Variants in FBXO15 observed in about 807,000 individuals in gnomAD.
FBXO15 encodes F-box protein 15.
Under a neutral mutation model 49.5 loss-of-function variants are expected in FBXO15, and 30 were observed. The ratio of observed to expected loss-of-function variants is 0.61; its 90% confidence interval spans 0.45 to 0.82. FBXO15 has a LOEUF of 0.82. Among genes scored for constraint, FBXO15 ranks in the 40% least tolerant of loss-of-function variants. The pLI is 0.00. For synonymous variants in FBXO15, 250 were observed against 232.7 expected (o/e 1.07, Z -0.68); for missense variants, 591 against 631.5 (o/e 0.94, Z 0.69).
chr18:74,090,263 C>A (rs888494311), intron 8 of FBXO15, among the ~76,000 whole-genome samples: 4 of 151,728 alleles, frequency 2.6e-5, no homozygotes, highest in Admixed American at 2.6e-4. Flanking sequence ...GTGGTAATGC[C>A]CCCTTTGTCA....
At chr18:74,100,972 C>A (rs985169650) in intron 8 of FBXO15, among the ~76,000 whole-genome samples, 3 of 152,042 alleles carry the variant, frequency 2.0e-5, no homozygotes, top group African/African-American at 2.4e-5. Flanking sequence ...CTGAATTCTA[C>A]CAGACACTCA....
intron 8 of FBXO15, among the ~76,000 whole-genome samples, chr18:74,092,178 G>C (rs1319501414): frequency 6.6e-6 from 1 of 151,960 alleles, no homozygotes; most frequent in Non-Finnish European, 1.5e-5. Flanking sequence ...GTTAATACTT[G>C]TGATTGCATT....
intron 1 of FBXO15, among the ~76,000 whole-genome samples, chr18:74,145,699 G>A (rs1979369543): frequency 1.4e-5 from 2 of 146,362 alleles, no homozygotes; most frequent in Non-Finnish European, 3.0e-5. Flanking sequence ...CTGGGTTCAC[G>A]CCATTCTCCT....
chr18:74,087,001 G>C (rs958679672), intron 8 of FBXO15, among the ~76,000 whole-genome samples: 1 of 152,074 alleles, frequency 6.6e-6, no homozygotes, highest in South Asian at 2.1e-4. Context: ...TAAATTTTCT[G>C]GTTTCCCAAT....
At chr18:74,139,095 G>A (rs901470073) in intron 2 of FBXO15, among the ~76,000 whole-genome samples, 5 of 152,008 alleles carry the variant, frequency 3.3e-5, no homozygotes, top group African/African-American at 9.7e-5. Context: ...AGCTCCTCTC[G>A]AAGCTCCTGA....
rs9944538 is a variant in FBXO15, at chr18:74,126,520, C to T, written c.786-419G>A. On this transcript the variant is annotated intron_variant, in intron 5 of 9. Transcript: ENST00000419743. The stretch of plus-strand genomic sequence containing the variant: ...TACACTATTTCAAGTGACATAAGAA[C>T]GGGTGGTCTCAGGAGATGGCTGGAA... Among the ~76,000 whole-genome samples, 311 of 152,294 alleles carry T rather than the reference C, an allele frequency of 2.0e-3. 2 individuals are homozygous for T. Among genetic ancestry groups the T allele is most frequent in the Middle Eastern group, 0.01 (3 of 294 alleles).
chr18:74,126,962 G>C (rs1419457084), intron 5 of FBXO15, among the ~76,000 whole-genome samples: 1 of 152,236 alleles, frequency 6.6e-6, no homozygotes, highest in Non-Finnish European at 1.5e-5. Flanking sequence ...GTAGAAATTA[G>C]AAATAAACCC....
chr18:74,136,486 C>A (rs1049564061), intron 2 of FBXO15, among the ~76,000 whole-genome samples: 2 of 152,076 alleles, frequency 1.3e-5, no homozygotes, highest in African/African-American at 4.8e-5. Context: ...AATCTCTTTC[C>A]CCAAAAAAGT....
At chr18:74,122,264 C>A (rs1401498622) in intron 8 of FBXO15, among the ~76,000 whole-genome samples, 1 of 152,214 alleles carries the variant, frequency 6.6e-6, no homozygotes, top group Non-Finnish European at 1.5e-5. Flanking sequence ...TATCAGTGGG[C>A]CAGCCATAAA....
intron 8 of FBXO15, among the ~76,000 whole-genome samples, chr18:74,105,168 G>C (rs1253365378): frequency 6.6e-6 from 1 of 152,198 alleles, no homozygotes; most frequent in African/African-American, 2.4e-5. Context: ...AGGAAGGACA[G>C]AGATGAGGAG....
chr18:74,093,751 A>G (rs920642332), intron 8 of FBXO15, among the ~76,000 whole-genome samples: 3 of 152,234 alleles, frequency 2.0e-5, no homozygotes, highest in African/African-American at 7.2e-5. Flanking sequence ...CATGAGGGTT[A>G]GAATCAACTT....
chr18:74,121,492 G>A (rs1295429266), intron 8 of FBXO15, among the ~76,000 whole-genome samples: 1 of 152,182 alleles, frequency 6.6e-6, no homozygotes, highest in Non-Finnish European at 1.5e-5. Context: ...CACATTCTTG[G>A]ATGGAACAAT....
intron 8 of FBXO15, among the ~76,000 whole-genome samples, chr18:74,086,299 G>C (rs1317197579): frequency 6.6e-6 from 1 of 152,098 alleles, no homozygotes; most frequent in Non-Finnish European, 1.5e-5. Context: ...ATTTCATAAG[G>C]AGATCACCTG....
intron 3 of FBXO15, among the ~76,000 whole-genome samples, chr18:74,132,331 C>T (rs192246458): frequency 2.6e-5 from 4 of 152,324 alleles, no homozygotes; most frequent in Admixed American, 2.0e-4. Context: ...TTTAGCAGGA[C>T]CTTTATGGAG....
rs772561544 is a variant in FBXO15, at chr18:74,129,431, G to C, written c.759C>G (p.Asp253Glu). The change falls in exon 5 of 10, where the codon GAC becomes GAG. Residue 253 changes from aspartate to glutamate, a missense_variant. Transcript: ENST00000419743. ...DLCGMTPVFTDWYKTPTKHRL... is the reference protein window; with the variant it reads ...DLCGMTPVFTEWYKTPTKHRL... ...TATGTTTGGTGGGAGTTTTATACCA[G>C]TCGGTAAAAACTGGTGTCATGCCAC... 6.2e-7 allele frequency: 1 copy of C among 1,613,916 alleles called. No homozygotes were observed. Among genetic ancestry groups the C allele is most frequent in the Non-Finnish European group, 8.5e-7 (1 of 1,179,934 alleles).
At chr18:74,109,251 G>T (rs1913902074) in intron 8 of FBXO15, among the ~76,000 whole-genome samples, 1 of 152,162 alleles carries the variant, frequency 6.6e-6, no homozygotes, top group Admixed American at 6.5e-5. Flanking sequence ...CTGGTCATCA[G>T]ATAAATGCAA....
chr18:74,126,183 C>A, intron 5 of FBXO15, 82 bp from the exon 6 acceptor site: 1 of 1,557,424 alleles, frequency 6.4e-7, no homozygotes, highest in Non-Finnish European at 8.7e-7. Flanking sequence ...TAGTGTATCA[C>A]AAATGTGTTT....
intron 8 of FBXO15, among the ~76,000 whole-genome samples, chr18:74,091,792 T>C (rs565770505): frequency 6.2e-4 from 94 of 152,284 alleles, no homozygotes; most frequent in African/African-American, 2.2e-3. Flanking sequence ...AACATGCCCC[T>C]TCCCCCAGCT....
rs143065342 is a variant in FBXO15 at position 74,081,989 on chromosome 18, G to A, written c.1201C>T (p.Leu401=). ...VIHLKNNREH[L]PLIGKVGLSW... Reference sequence around the variant, plus strand: ...AGGCCAACTTTTCCAATAAGAGGTAGGTGTTCTCTGTTATTTTTTAAATGT... The same window carrying A: ...AGGCCAACTTTTCCAATAAGAGGTAAGTGTTCTCTGTTATTTTTTAAATGT... Residue 401 remains leucine, a synonymous_variant, in exon 9 of 10, where the codon CTA becomes TTA. Coordinates refer to ENST00000419743, the MANE Select transcript of FBXO15 (RefSeq NM_001142958.2). The A allele has an allele frequency of 1.2e-6, 2 of 1,612,676 alleles. No homozygotes were observed. Among genetic ancestry groups the A allele is most frequent in the African/African-American group, 2.7e-5 (2 of 74,878 alleles).
Sources: gnomAD v4.1 joint callset for allele counts (sites outside exome capture counted in the v4.1 genomes callset) on GRCh38, gnomAD v4.1.1 for gene constraint, MANE v1.5 for transcripts, NCBI Gene and HGNC (gene_info 2026-07-23, HGNC 2026-07-21) for gene names.